Variants in KY observed in about 807,000 individuals in gnomAD.
KY encodes kyphoscoliosis peptidase.
In KY, 43 loss-of-function variants were observed where a neutral mutation model predicts 76.1. That is an observed-to-expected ratio of 0.57 (90% CI 0.44 to 0.73). KY has a LOEUF of 0.73. Ranked by LOEUF, KY falls within the 30% of genes least tolerant of loss-of-function variation. The pLI is 0.00. For missense variants in KY, 722 were observed against 828.9 expected (o/e 0.87, Z 1.58); for synonymous variants, 277 against 326.2 (o/e 0.85, Z 1.63).
At chr3:134,616,742 A>G (rs1162998843) in intron 8 of KY, among the ~76,000 whole-genome samples, 1 of 152,242 alleles carries the variant, frequency 6.6e-6, no homozygotes, top group Non-Finnish European at 1.5e-5. Flanking sequence ...ACTCAAGGCA[A>G]GTGTCAATTT....
At chr3:134,643,282 C>T (rs1212494542) in intron 3 of KY, 34 bp downstream of exon 3, 2 of 1,609,568 alleles carry the variant, frequency 1.2e-6, no homozygotes, top group Admixed American at 3.3e-5. Context: ...CACACCTCTG[C>T]AGGGGAGGTC....
intron 8 of KY, among the ~76,000 whole-genome samples, chr3:134,616,133 A>G (rs4955547): frequency 0.62 from 94,544 of 152,110 alleles, 29,964 homozygotes; most frequent in East Asian, 0.88. Flanking sequence ...CTAAGGATGC[A>G]GGCAACTGAG....
chr3:134,633,627 A>G (rs1426957408), intron 3 of KY, among the ~76,000 whole-genome samples: 1 of 152,136 alleles, frequency 6.6e-6, no homozygotes, highest in Non-Finnish European at 1.5e-5. Flanking sequence ...GAAACCTACA[A>G]AAAGCATACA....
intron 2 of KY, among the ~76,000 whole-genome samples, chr3:134,645,488 C>G (rs973781108): frequency 6.6e-6 from 1 of 152,218 alleles, no homozygotes; most frequent in African/African-American, 2.4e-5. Context: ...GGCTGGGTGC[C>G]TTGGGCACCA....
Position 134,604,432 on chromosome 3 carries a change from G to C in KY, c.1133C>G (p.Thr378Arg). Residue 378 changes from threonine to arginine, a missense_variant, in exon 11 of 11, where the codon ACG becomes AGG. Transcript: ENST00000423778. Reference sequence around the variant, plus strand: ...GCCATTGAGCATGAACATGAACAGCGTCGGGGCGCAGCTCTCAATGGTGAC... The same window carrying C: ...GCCATTGAGCATGAACATGAACAGCCTCGGGGCGCAGCTCTCAATGGTGAC... ...ATVTIESCAPTLFMFMLNGKQ... is the reference protein window; with the variant it reads ...ATVTIESCAPRLFMFMLNGKQ... The C allele has an allele frequency of 6.2e-7, 1 of 1,613,478 alleles. No homozygotes were observed. The highest frequency in any genetic ancestry group is 8.5e-7 in the Non-Finnish European group (1 of 1,179,676).
In KY at chr3:134,610,219, G is replaced by T; in HGVS notation, c.875C>A (p.Thr292Asn). 1 of 1,613,474 alleles carries T rather than the reference G, an allele frequency of 6.2e-7. No individual in the cohort carries two copies. Residue 292 changes from threonine (T) to asparagine (N), a missense_variant, in exon 9 of 11, where the codon ACC becomes AAC. Thr to Asn is a moderately conservative substitution (Grantham distance 65, BLOSUM62 0). Around this residue, in one of 2 missense-constraint regions of KY, gnomAD observed 552 missense variants for 680.9 expected, o/e 0.81. Transcript: ENST00000423778. ...DSTWGSGLVD[T>N]ITSKFTFLYN... ...CAGGAAGGTGAATTTGGAGGTGATG[G>T]TGTCCACCAGGCCGCTGCCCCAGGT...
chr3:134,640,538 C>G (rs534499829), intron 3 of KY, among the ~76,000 whole-genome samples: 2 of 152,272 alleles, frequency 1.3e-5, no homozygotes, highest in South Asian at 4.2e-4. Flanking sequence ...TGTGATAGAG[C>G]TTCCAAGAAG....
intron 3 of KY, among the ~76,000 whole-genome samples, chr3:134,632,881 G>GACACAC (rs1306973740): frequency 2.0e-5 from 3 of 151,836 alleles, no homozygotes; most frequent in Non-Finnish European, 4.4e-5. Context: ...AAAGAGGCAA[G>GACACAC]ACACAAATCA....
At chr3:134,641,223 C>T (rs897211824) in intron 3 of KY, 4 of 152,194 alleles carry the variant, frequency 2.6e-5, no homozygotes, top group African/African-American at 4.8e-5. Context: ...AAATTGTCCC[C>T]TGGGATAGGC....
chr3:134,616,162 A>G (rs1402677300), intron 8 of KY, among the ~76,000 whole-genome samples: 3 of 152,216 alleles, frequency 2.0e-5, no homozygotes, highest in Non-Finnish European at 4.4e-5. Flanking sequence ...AGAGACATTA[A>G]TGTTGGATGA....
intron 3 of KY, among the ~76,000 whole-genome samples, chr3:134,633,306 C>A (rs569916992): frequency 1.3e-5 from 2 of 152,006 alleles, no homozygotes; most frequent in African/African-American, 4.8e-5. Flanking sequence ...AAGAAAAGAA[C>A]ACTACAGACC....
intron 6 of KY, 79 bp downstream of exon 6, chr3:134,624,974 G>A (rs951499523): frequency 1.6e-5 from 20 of 1,227,868 alleles, no homozygotes; most frequent in Non-Finnish European, 2.1e-5. Context: ...TTCAGGAGGT[G>A]TCTGGGGAGA....
chr3:134,647,522 G>GTCTCCCACCTCAGAGAA, intron 1 of KY, 25 bp from the exon 2 acceptor site: 1 of 1,500,668 alleles, frequency 6.7e-7, no homozygotes, highest in Non-Finnish European at 9.3e-7. Flanking sequence ...GCTTCTCTGA[G>GTCTCCCACCTCAGAGAA]GTGGGAGACT....
At chr3:134,604,567 G>A (rs891979102) in intron 10 of KY, 93 bp from the exon 11 acceptor site, 19 of 1,109,480 alleles carry the variant, frequency 1.7e-5, no homozygotes, top group African/African-American at 1.1e-4. Flanking sequence ...GGAGAAAAAC[G>A]TCCTGACTTA....
At chr3:134,620,721 G>A (rs1172165368) in intron 7 of KY, 28 bp downstream of exon 7, 1 of 1,531,008 alleles carries the variant, frequency 6.5e-7, no homozygotes, top group South Asian at 1.1e-5. Flanking sequence ...AGGGATTCTA[G>A]AGCCAGAAAT....
chr3:134,601,869 C>T lies in KY; in HGVS notation c.*1710G>A, dbSNP rs1324984375. 6.6e-6 allele frequency among the ~76,000 whole-genome samples: 1 copy of T among 152,248 alleles called. No homozygotes were observed. Among genetic ancestry groups the T allele is most frequent in the African/African-American group, 2.4e-5 (1 of 41,476 alleles). On this transcript the variant is annotated 3_prime_UTR_variant, in exon 11 of 11. Coordinates refer to ENST00000423778, the MANE Select transcript of KY (RefSeq NM_178554.6). Reference sequence around the variant, plus strand: ...CAGAAGTGTCTGGAGCCTGGATCTTCAGTCAGGCCTGGGCAGGGAAGGCTG... The same window carrying T: ...CAGAAGTGTCTGGAGCCTGGATCTTTAGTCAGGCCTGGGCAGGGAAGGCTG...
chr3:134,650,387 T>C (rs1156344274), intron 1 of KY, among the ~76,000 whole-genome samples: 1 of 152,122 alleles, frequency 6.6e-6, no homozygotes, highest in Admixed American at 6.5e-5. Context: ...GAGCTCCCCA[T>C]CTAAAAGTCT....
chr3:134,608,950 T>C, intron 9 of KY, 111 bp from the exon 10 acceptor site: 1 of 1,265,920 alleles, frequency 7.9e-7, no homozygotes, highest in Non-Finnish European at 1.1e-6. Context: ...AGGCACCATC[T>C]CCGACCCTAA....
chr3:134,607,897 C>G (rs922913376), intron 10 of KY: 13 of 991,418 alleles, frequency 1.3e-5, no homozygotes, highest in Non-Finnish European at 1.1e-5. Flanking sequence ...GAGCTTGGCC[C>G]TCATCCAGGG....
Sources: gnomAD v4.1 joint callset for allele counts (sites outside exome capture counted in the v4.1 genomes callset) on GRCh38, gnomAD v4.1.1 for gene constraint, gnomAD v4.1.1 regional missense constraint, MANE v1.5 for transcripts, NCBI Gene and HGNC (gene_info 2026-07-23, HGNC 2026-07-21) for gene names.